IFI27L1: variants seen among roughly 807,000 people sequenced by gnomAD.
IFI27L1 encodes the protein interferon alpha inducible protein 27 like 1.
Under a neutral mutation model 9.2 loss-of-function variants are expected in IFI27L1, and 3 were observed. The ratio of observed to expected loss-of-function variants is 0.32; its 90% CI spans 0.15 to 0.84. The LOEUF (loss-of-function observed/expected upper bound fraction) is 0.84, where lower values mean the gene tolerates loss of function less well. IFI27L1 is among the 40% of genes least tolerant of loss of function. The probability of loss-of-function intolerance (pLI) is 0.56; values close to 1 mark genes in which losing one functional copy is unlikely to be tolerated. For missense variants in IFI27L1, 133 were observed against 134.2 expected, an observed-to-expected ratio of 0.99 and a Z score of 0.05; for synonymous variants, 53 against 50.0, an observed-to-expected ratio of 1.06 and a Z score of -0.26.
intron 1 of IFI27L1, chr14:94,088,167 GT>G: frequency 1.5e-6 from 1 of 686,930 alleles, no homozygotes. Flanking sequence ...GTGCAAGGAT[GT>G]GAAGGTGGAA....
At chr14:94,100,710 G>T in intron 2 of IFI27L1, 29 bp from the exon 3 acceptor site, 1 of 1,443,412 alleles carries the variant, frequency 6.9e-7, no homozygotes. Flanking sequence ...TTGTTTGTTT[G>T]TTGTTGTTGT....
chr14:94,101,613 C>G (rs1428931300), intron 3 of IFI27L1, among the ~76,000 whole-genome samples: 2 of 152,206 alleles, frequency 1.3e-5, no homozygotes, highest in Admixed American at 1.3e-4. Context: ...CAGGCGTAAA[C>G]AAGCCTGGGA....
intron 2 of IFI27L1, among the ~76,000 whole-genome samples, chr14:94,098,127 C>T (rs893478501): frequency 6.6e-5 from 10 of 152,092 alleles, no homozygotes; most frequent in Admixed American, 5.2e-4. Flanking sequence ...GATGTGTCGG[C>T]TTCTAGGGCT....
chr14:94,097,178 G>A (rs770948073), intron 2 of IFI27L1, among the ~76,000 whole-genome samples: 16 of 152,222 alleles, frequency 1.1e-4, no homozygotes, highest in Non-Finnish European at 1.0e-4. Flanking sequence ...ATGTACCCAG[G>A]AAGGCAAAGG....
At chr14:94,085,442 G>A (rs949083093) in intron 1 of IFI27L1, among the ~76,000 whole-genome samples, 4 of 152,160 alleles carry the variant, frequency 2.6e-5, no homozygotes, top group Admixed American at 1.3e-4. Context: ...GAGCTCAATT[G>A]ACCTTAGCAA....
Position 94,102,647 on chromosome 14 carries a change from A to G in IFI27L1, c.*79A>G, listed in dbSNP as rs1595401028. 1 of 761,420 alleles carries G rather than the reference A, an allele frequency of 1.3e-6. No homozygotes were observed. Among genetic ancestry groups the G allele is most frequent in the African/African-American group, 1.8e-5 (1 of 55,808 alleles). 47.2% of individuals were successfully genotyped at this position (761,420 alleles called of 1,614,324 possible). On this transcript the variant is annotated 3_prime_UTR_variant, in exon 5 of 5. Coordinates refer to ENST00000555523, the MANE Select transcript of IFI27L1 (RefSeq NM_206949.3). The stretch of plus-strand genomic sequence containing the variant: ...CCTCTGGATGACAATCTTCCAAAGG[A>G]CAAGTCTCCTACTCCCAAAACTATT...
chr14:94,090,590 A>G (rs1309063347), intron 1 of IFI27L1, among the ~76,000 whole-genome samples: 1 of 152,176 alleles, frequency 6.6e-6, no homozygotes, highest in Non-Finnish European at 1.5e-5. Flanking sequence ...TCCTCTCCTT[A>G]AGAGGTTTCA....
At chr14:94,099,001 CTTTGCTCTA>C (rs1886786404) in intron 2 of IFI27L1, among the ~76,000 whole-genome samples, 2 of 152,194 alleles carry the variant, frequency 1.3e-5, no homozygotes, top group Non-Finnish European at 2.9e-5. Context: ...CCACAAGGAG[CTTTGCTCTA>C]AGGAGCAAAG....
At chr14:94,083,765 T>C (rs1202382417) in intron 1 of IFI27L1, among the ~76,000 whole-genome samples, 1 of 152,208 alleles carries the variant, frequency 6.6e-6, no homozygotes, top group Non-Finnish European at 1.5e-5. Flanking sequence ...GTTGAGTAAA[T>C]TGTTTTGATT....
intron 1 of IFI27L1, among the ~76,000 whole-genome samples, chr14:94,092,704 C>T (rs1490708079): frequency 6.6e-6 from 1 of 152,042 alleles, no homozygotes; most frequent in Non-Finnish European, 1.5e-5. Context: ...TGAAGAATAC[C>T]TGATATGGTT....
intron 1 of IFI27L1, among the ~76,000 whole-genome samples, chr14:94,089,650 A>G (rs1886403477): frequency 6.6e-6 from 1 of 152,196 alleles, no homozygotes; most frequent in Non-Finnish European, 1.5e-5. Context: ...CCTCCTGGGA[A>G]TGCAGCCTAG....
rs202033850 is a variant in IFI27L1 at position 94,097,009 on chromosome 14, G to A, written c.28+44G>A. Reference sequence around the variant, plus strand: ...TCTGGGGGCTGCTGGTCCTTCCGAGGTGAATGCACTTTGTGTCCCACTCTT... The same window carrying A: ...TCTGGGGGCTGCTGGTCCTTCCGAGATGAATGCACTTTGTGTCCCACTCTT... On this transcript the variant is annotated intron_variant, in intron 2 of 4. Coordinates refer to ENST00000555523, the MANE Select transcript of IFI27L1 (RefSeq NM_206949.3). 6 of 1,548,758 alleles carry A rather than the reference G, an allele frequency of 3.9e-6. No homozygotes were observed. In the African/African-American group the frequency reaches 8.2e-5, roughly 21 times the overall value.
At chr14:94,089,520 C>T (rs972900474) in intron 1 of IFI27L1, among the ~76,000 whole-genome samples, 2 of 152,104 alleles carry the variant, frequency 1.3e-5, no homozygotes, top group Admixed American at 6.6e-5. Flanking sequence ...CTCTCATCAC[C>T]GTCTTGGTTT....
chr14:94,099,914 C>A (rs1164927309), intron 2 of IFI27L1, among the ~76,000 whole-genome samples: 1 of 152,196 alleles, frequency 6.6e-6, no homozygotes, highest in Non-Finnish European at 1.5e-5. Flanking sequence ...TCACAGGCTA[C>A]ACGTGGCTCT....
intron 2 of IFI27L1, chr14:94,100,279 C>T (rs1886842821): frequency 1.0e-6 from 1 of 985,278 alleles, no homozygotes. Flanking sequence ...CCTTCTGTTA[C>T]TTGGCTGAGA....
chr14:94,083,791 AAAAAG>A (rs1281034287), intron 1 of IFI27L1, among the ~76,000 whole-genome samples: 2 of 152,230 alleles, frequency 1.3e-5, no homozygotes, highest in East Asian at 3.8e-4. Context: ...ATTATGAATT[AAAAAG>A]AAATTGGTTT....
intron 1 of IFI27L1, among the ~76,000 whole-genome samples, chr14:94,093,364 G>C (rs868180916): frequency 1.9e-4 from 29 of 151,872 alleles, no homozygotes; most frequent in African/African-American, 7.0e-4. Context: ...GTAGAGACGG[G>C]GTTTCACTGT....
intron 1 of IFI27L1, among the ~76,000 whole-genome samples, chr14:94,084,905 C>T (rs1213269071): frequency 2.0e-5 from 3 of 152,108 alleles, no homozygotes; most frequent in Non-Finnish European, 4.4e-5. Flanking sequence ...TACATACAAC[C>T]GAGTTTTTGC....
At chr14:94,084,317 C>T (rs1886208334) in intron 1 of IFI27L1, among the ~76,000 whole-genome samples, 1 of 152,116 alleles carries the variant, frequency 6.6e-6, no homozygotes, top group African/African-American at 2.4e-5. Flanking sequence ...GCCCAGGCGA[C>T]ATGGTGAAAC....
Sources: gnomAD v4.1 joint callset for allele counts (sites outside exome capture counted in the v4.1 genomes callset) on GRCh38, gnomAD v4.1.1 for gene constraint, MANE v1.5 for transcripts, NCBI Gene and HGNC (gene_info 2026-07-23, HGNC 2026-07-21) for gene names.